Variants in ZSCAN21 observed in about 807,000 individuals in gnomAD.
ZSCAN21 encodes the protein zinc finger and SCAN domain-containing protein 21.
ZSCAN21 carries 26 observed loss-of-function variants against 35.6 expected under a neutral mutation model. That is an observed-to-expected ratio of 0.73 (90% CI 0.54 to 1.01). The LOEUF (loss-of-function observed/expected upper bound fraction) is 1.01, where lower values mean the gene tolerates loss of function less well. Among genes scored for constraint, ZSCAN21 ranks in the 50% least tolerant of loss-of-function variants. The probability of loss-of-function intolerance (pLI) is 0.00; values close to 1 mark genes in which losing one functional copy is unlikely to be tolerated. For missense variants in ZSCAN21, 593 were observed against 587.1 expected, an observed-to-expected ratio of 1.01 and a Z score of -0.10; for synonymous variants, 219 against 219.3, an observed-to-expected ratio of 1.00 and a Z score of 0.01.
chr7:100,062,472 G>T (rs1584383459), intron 3 of ZSCAN21, among the ~76,000 whole-genome samples: 1 of 151,662 alleles, frequency 6.6e-6, no homozygotes, highest in South Asian at 2.1e-4. Flanking sequence ...GCACATGCCT[G>T]TAATCTCAGC....
At chr7:100,062,813 G>A (rs1792389228) in intron 3 of ZSCAN21, among the ~76,000 whole-genome samples, 1 of 152,104 alleles carries the variant, frequency 6.6e-6, no homozygotes, top group African/African-American at 2.4e-5. Context: ...AGCGGAGACT[G>A]CGGTGAGCCA....
rs779132733 is a variant in ZSCAN21, at chr7:100,057,828, C to T, written c.530C>T (p.Pro177Leu). Residue 177 changes from proline to leucine, a missense_variant, in exon 3 of 4, where the codon CCC becomes CTC. Pro to Leu is a moderately conservative substitution (Grantham distance 98, BLOSUM62 -3). Transcript: ENST00000292450. ...ETSHKYESWG[P>L]LYIQESGEEQ... ...AGTCACAAATACGAGTCTTGGGGGC[C>T]CCTGTACATCCAAGAGTCTGGTGAG... 1.2e-6 allele frequency: 2 copies of T among 1,613,764 alleles called. No individual in the cohort carries two copies. The highest frequency in any genetic ancestry group is 1.7e-5 in the Admixed American group (1 of 59,944).
At chr7:100,060,858 CAAAAA>C (rs372983638) in intron 3 of ZSCAN21, among the ~76,000 whole-genome samples, 2 of 74,450 alleles carry the variant, frequency 2.7e-5, no homozygotes, top group African/African-American at 5.8e-5. Flanking sequence ...AGGACTCCGT[CAAAAA>C]AAAAAAAAAA....
At chr7:100,056,769 C>T (rs1792088703) in intron 1 of ZSCAN21, 142 bp from the exon 2 acceptor site, 1 of 406,478 alleles carries the variant, frequency 2.5e-6, no homozygotes, top group Non-Finnish European at 4.4e-6. Flanking sequence ...CAGCTCATTC[C>T]AGAAAGATTT....
chr7:100,052,224 G>A lies in ZSCAN21; in HGVS notation c.-97+2383G>A, dbSNP rs756768509. On this transcript the variant is annotated intron_variant, in intron 1 of 3. Coordinates refer to ENST00000292450, the MANE Select transcript of ZSCAN21 (RefSeq NM_145914.3). ...GTGAGCTGTCATGGCACCACTACAC[G>A]CCAGCCTGGGCAACAAAGCGAGACC... Among the ~76,000 whole-genome samples the A allele has an allele frequency of 9.2e-5, 14 of 151,714 alleles. No individual in the cohort carries two copies. The East Asian group carries it at 1.7e-3, about 19-fold the overall frequency.
intron 3 of ZSCAN21, 39 bp downstream of exon 3, chr7:100,057,929 G>T (rs1792142926): frequency 6.9e-7 from 1 of 1,456,700 alleles, no homozygotes; most frequent in African/African-American, 1.4e-5. Context: ...AGTGCCCCAG[G>T]CCCCTGTGGT....
At chr7:100,055,938 G>A (rs186549178) in intron 1 of ZSCAN21, among the ~76,000 whole-genome samples, 1,650 of 137,680 alleles carry the variant, frequency 0.012, 26 homozygotes, top group Non-Finnish European at 0.016. Context: ...CACCGCGCCC[G>A]GCCCTCCTCT....
chr7:100,063,912 G>A lies in ZSCAN21; in HGVS notation c.717G>A (p.Arg239=), dbSNP rs1792479911. The change falls in exon 4 of 4, where the codon AGG becomes AGA. Residue 239 remains arginine, a synonymous_variant. Transcript: ENST00000292450. Reference sequence around the variant, plus strand: ...ATAAACCTGAGGCCAGCTTAGAGAGGCAGTGCGTAAACCTTGAAAATGAAA... The same window carrying A: ...ATAAACCTGAGGCCAGCTTAGAGAGACAGTGCGTAAACCTTGAAAATGAAA... The part of the protein sequence containing the change: ...IANKPEASLE[R]QCVNLENEKG... 1 of 1,614,144 alleles carries A rather than the reference G, an allele frequency of 6.2e-7. No homozygotes were observed. The highest frequency in any genetic ancestry group is 8.5e-7 in the Non-Finnish European group (1 of 1,180,034).
chr7:100,053,519 T>TTACGTACA (rs1554357978), intron 1 of ZSCAN21, among the ~76,000 whole-genome samples: 2 of 101,808 alleles, frequency 2.0e-5, no homozygotes, highest in Admixed American at 2.6e-4. Flanking sequence ...AGGAGGGCTC[T>TTACGTACA]TACATACATA....
Position 100,064,573 on chromosome 7 carries a change from T to G in ZSCAN21, c.1378T>G (p.Ser460Ala). 6.2e-7 allele frequency: 1 copy of G among 1,614,138 alleles called. No individual in the cohort carries two copies. The highest frequency in any genetic ancestry group is 8.5e-7 in the Non-Finnish European group (1 of 1,180,006). Residue 460 changes from serine to alanine, a missense_variant, in exon 4 of 4, where the codon TCC (serine) becomes GCC (alanine). By Grantham distance (99) the Ser-to-Ala change is moderately conservative. Transcript: ENST00000292450. The part of the protein sequence containing the change: ...GKTFCSKSNL[S>A]KHQRVHTGEG... ...GACCTTCTGTAGCAAGTCCAATCTT[T>G]CCAAACATCAGCGAGTCCACACTGG...
chr7:100,057,361 C>G lies in ZSCAN21; in HGVS notation c.355C>G (p.Leu119Val). ...GGAGAGCGCTGAAGAGGCTGTCACT[C>G]TCCTCGAAGATCTGGAGCGGGAACT... is the stretch of plus-strand genomic sequence containing the variant. ...CPESAEEAVT[L>V]LEDLERELDE... Residue 119 changes from leucine (L) to valine (V), a missense_variant, in exon 2 of 4, where the codon CTC (leucine) becomes GTC (valine). Physicochemically the swap from Leu to Val is conservative, Grantham distance 32 (BLOSUM62 1). Transcript: ENST00000292450. 1.3e-6 allele frequency: 2 copies of G among 1,581,918 alleles called. No homozygotes were observed.
chr7:100,063,884 C>T lies in ZSCAN21; in HGVS notation c.689C>T (p.Ala230Val). The T allele has an allele frequency of 6.2e-7, 1 of 1,614,066 alleles. No homozygotes were observed. The highest frequency in any genetic ancestry group is 8.5e-7 in the Non-Finnish European group (1 of 1,180,024). ...LKGDIISVII[A>V]NKPEASLERQ... ...GGGGATATAATTTCTGTGATTATCG[C>T]CAATAAACCTGAGGCCAGCTTAGAG... is the stretch of plus-strand genomic sequence containing the variant. The change falls in exon 4 of 4, where the codon GCC (alanine) becomes GTC (valine). Residue 230 changes from alanine (A) to valine (V), a missense_variant. Physicochemically the swap from Ala to Val is moderately conservative, Grantham distance 64. Coordinates refer to ENST00000292450, the MANE Select transcript of ZSCAN21 (RefSeq NM_145914.3).
chr7:100,050,845 T>C (rs1206281252), intron 1 of ZSCAN21, among the ~76,000 whole-genome samples: 1 of 152,090 alleles, frequency 6.6e-6, no homozygotes, highest in African/African-American at 2.4e-5. Context: ...AAGTGAGTAT[T>C]GGTCTTGGAC....
At chr7:100,056,432 A>T (rs1253722110) in intron 1 of ZSCAN21, among the ~76,000 whole-genome samples, 1 of 152,098 alleles carries the variant, frequency 6.6e-6, no homozygotes, top group South Asian at 2.1e-4. Context: ...AGACCACTGA[A>T]ATCAAAGTAG....
intron 3 of ZSCAN21, among the ~76,000 whole-genome samples, chr7:100,061,296 T>C (rs1209487263): frequency 2.6e-5 from 4 of 152,110 alleles, no homozygotes; most frequent in Non-Finnish European, 1.5e-5. Context: ...CCAAGGCAGG[T>C]GGATCATTTG....
chr7:100,054,754 G>C (rs1258292228), intron 1 of ZSCAN21, among the ~76,000 whole-genome samples: 1 of 145,022 alleles, frequency 6.9e-6, no homozygotes, highest in Non-Finnish European at 1.5e-5. Context: ...CAGGAGAATC[G>C]CTTGAACCCG....
chr7:100,055,200 C>A (rs916187658), intron 1 of ZSCAN21, among the ~76,000 whole-genome samples: 6 of 151,782 alleles, frequency 4.0e-5, no homozygotes, highest in African/African-American at 1.5e-4. Flanking sequence ...AAGTGATCCG[C>A]CCGCCTTGGC....
intron 3 of ZSCAN21, among the ~76,000 whole-genome samples, chr7:100,058,714 T>C (rs1009322780): frequency 1.3e-5 from 2 of 152,210 alleles, no homozygotes; most frequent in African/African-American, 4.8e-5. Flanking sequence ...GGGGGTGTTT[T>C]TGTGTGTTTT....
At chr7:100,054,293 A>C (rs941511372) in intron 1 of ZSCAN21, among the ~76,000 whole-genome samples, 2 of 151,272 alleles carry the variant, frequency 1.3e-5, no homozygotes. Context: ...TCTGTTGCCC[A>C]GGCTGGAGTG....
Sources: allele counts gnomAD v4.1 joint callset (sites outside exome capture counted in the v4.1 genomes callset), GRCh38; gene constraint gnomAD v4.1.1; transcripts MANE v1.5; gene names NCBI Gene and HGNC (gene_info 2026-07-23, HGNC 2026-07-21).